Variants in RALGPS1 observed in about 807,000 individuals in gnomAD.
RALGPS1 encodes Ral GEF with PH domain and SH3 binding motif 1, also known as ras-specific guanine nucleotide-releasing factor RalGPS1.
A neutral mutation model predicts 78.8 loss-of-function variants in RALGPS1; 19 were observed. The ratio of observed to expected loss-of-function variants is 0.24; its 90% confidence interval spans 0.17 to 0.35. The LOEUF (loss-of-function observed/expected upper bound fraction) is 0.35. Ranked by LOEUF, RALGPS1 falls within the 10% of genes least tolerant of loss-of-function variation. RALGPS1 has a pLI of 1.00. For missense variants in RALGPS1, 454 were observed against 688.3 expected, an observed-to-expected ratio of 0.66 and a Z score of 3.81; for synonymous variants, 228 against 256.3, an observed-to-expected ratio of 0.89 and a Z score of 1.06.
Position 126,965,836 on chromosome 9 carries a change from C to T in RALGPS1, c.58-8C>T. ...TCAGTTGGCACCATCTTTCCCTGCT[C>T]TCCACAGGGCAGCAGCAGCTCGGAC... On this transcript the variant is annotated splice_region_variant and splice_polypyrimidine_tract_variant and intron_variant, in intron 2 of 18. Coordinates refer to ENST00000259351, the MANE Select transcript of RALGPS1 (RefSeq NM_014636.3). 2 of 1,609,222 alleles carry T rather than the reference C, an allele frequency of 1.2e-6. No homozygotes were observed. Among genetic ancestry groups the T allele is most frequent in the Non-Finnish European group, 1.7e-6 (2 of 1,176,034 alleles).
intron 10 of RALGPS1, 53 bp from the exon 11 acceptor site, chr9:127,174,662 T>A: frequency 6.6e-7 from 1 of 1,517,998 alleles, no homozygotes; most frequent in South Asian, 1.1e-5. Context: ...CCAAACAGGT[T>A]CCTGTGTGGT....
chr9:126,997,022 G>A (rs1396424510), intron 4 of RALGPS1, among the ~76,000 whole-genome samples: 1 of 152,136 alleles, frequency 6.6e-6, no homozygotes, highest in African/African-American at 2.4e-5. Context: ...AGATATTGAT[G>A]GGACGTATCT....
chr9:126,920,731 A>T (rs11788741), intron 1 of RALGPS1, among the ~76,000 whole-genome samples: 58,401 of 152,104 alleles, frequency 0.38, 12,984 homozygotes, highest in Non-Finnish European at 0.48. Flanking sequence ...TCAACCTTGT[A>T]ATGGATGCTG....
chr9:126,980,624 T>C (rs981038869), intron 4 of RALGPS1, among the ~76,000 whole-genome samples: 7 of 152,374 alleles, frequency 4.6e-5, no homozygotes, highest in African/African-American at 1.7e-4. Context: ...GTAAGACTGA[T>C]AGCAGTTTGC....
chr9:127,102,717 G>T (rs146164745), intron 8 of RALGPS1, among the ~76,000 whole-genome samples: 1 of 152,272 alleles, frequency 6.6e-6, no homozygotes, highest in African/African-American at 2.4e-5. Flanking sequence ...AAGCAATAAG[G>T]GAGCTGGCCC....
Position 127,205,818 on chromosome 9 carries a change from G to C in RALGPS1, c.1248-6313G>C, listed in dbSNP as rs1224799042. Among the ~76,000 whole-genome samples, 2 of 152,218 alleles carry C rather than the reference G, an allele frequency of 1.3e-5. No individual in the cohort carries two copies. Among genetic ancestry groups the C allele is most frequent in the Non-Finnish European group, 1.5e-5 (1 of 68,040 alleles). ...GCCCAGCCACTGAGCCTCACTTTCA[G>C]CCTCTCAGATCTGGTTCCTAATCAC... On this transcript the variant is annotated intron_variant, in intron 14 of 18. Transcript: ENST00000259351. The surrounding 1 kb of genome is among the most constrained non-coding windows in gnomAD (Gnocchi z 4.0).
chr9:127,001,211 C>A (rs937546992), intron 4 of RALGPS1, among the ~76,000 whole-genome samples: 1 of 150,982 alleles, frequency 6.6e-6, no homozygotes, highest in Non-Finnish European at 1.5e-5. Flanking sequence ...CACTTGAACC[C>A]AGGAGGTTGA....
chr9:126,945,029 C>T (rs1460413968), intron 1 of RALGPS1, among the ~76,000 whole-genome samples: 15 of 152,180 alleles, frequency 9.9e-5, no homozygotes, highest in South Asian at 4.1e-4. Flanking sequence ...TGGCACTCCC[C>T]GTGGACATGA....
chr9:127,096,933 G>A (rs893888833), intron 8 of RALGPS1, among the ~76,000 whole-genome samples: 1 of 152,172 alleles, frequency 6.6e-6, no homozygotes, highest in Non-Finnish European at 1.5e-5. Context: ...GTGGTCATTA[G>A]AGGAGCCCCT....
At chr9:126,921,679 C>A (rs550161920) in intron 1 of RALGPS1, among the ~76,000 whole-genome samples, 1 of 152,312 alleles carries the variant, frequency 6.6e-6, no homozygotes, top group South Asian at 2.1e-4. Flanking sequence ...GTCCTGACAC[C>A]ATCACTCACA....
In RALGPS1 at chr9:127,183,891, A is replaced by T; in HGVS notation, c.910+9109A>T. The T allele has an allele frequency of 6.5e-7, 1 of 1,550,042 alleles. No homozygotes were observed. The highest frequency in any genetic ancestry group is 1.4e-5 in the African/African-American group (1 of 73,062). Reference sequence around the variant, plus strand: ...GTCTCCCATCTCAGCAGCCTGTCACATCAAGGTCAAGCAGAAGAGGCAAGA... The same window carrying T: ...GTCTCCCATCTCAGCAGCCTGTCACTTCAAGGTCAAGCAGAAGAGGCAAGA... On this transcript the variant is annotated intron_variant, in intron 11 of 18. Transcript: ENST00000259351. This position sits in a 1 kb window ranked among gnomAD's most constrained non-coding sequence, Gnocchi z 4.0.
chr9:127,001,853 C>T (rs1267045658), intron 4 of RALGPS1, among the ~76,000 whole-genome samples: 2 of 152,116 alleles, frequency 1.3e-5, no homozygotes. Flanking sequence ...CATTGCGCTC[C>T]AGCCTTGGCA....
chr9:126,996,953 G>A (rs1432971966), intron 4 of RALGPS1, among the ~76,000 whole-genome samples: 1 of 152,218 alleles, frequency 6.6e-6, no homozygotes, highest in Non-Finnish European at 1.5e-5. Flanking sequence ...CTCAATAGAT[G>A]CAGAAAAGGC....
chr9:127,215,397 G>A (rs578079343), intron 18 of RALGPS1, among the ~76,000 whole-genome samples: 2 of 152,298 alleles, frequency 1.3e-5, no homozygotes, highest in South Asian at 4.1e-4. Context: ...TCCCCTGGTC[G>A]CCCCCAGCCG....
At chr9:127,157,357 A>C (rs1439402412) in intron 8 of RALGPS1, among the ~76,000 whole-genome samples, 1 of 152,066 alleles carries the variant, frequency 6.6e-6, no homozygotes, top group African/African-American at 2.4e-5. Flanking sequence ...TACCTGAATT[A>C]CCAAAGTGTT....
chr9:126,990,165 GTCA>G (rs2042160198), intron 4 of RALGPS1: 1 of 777,380 alleles, frequency 1.3e-6, no homozygotes, highest in Non-Finnish European at 2.0e-6. Flanking sequence ...CCAGCAGGCA[GTCA>G]TTTGTAAAGT....
At chr9:126,918,513 G>A (rs994983201) in intron 1 of RALGPS1, among the ~76,000 whole-genome samples, 2 of 152,016 alleles carry the variant, frequency 1.3e-5, no homozygotes, top group Non-Finnish European at 2.9e-5. Flanking sequence ...GTAGAGATGG[G>A]AGTCTCACTA....
chr9:126,948,884 T>A (rs2131666513), intron 1 of RALGPS1, among the ~76,000 whole-genome samples: 1 of 152,202 alleles, frequency 6.6e-6, no homozygotes, highest in South Asian at 2.1e-4. Flanking sequence ...GTTACATATG[T>A]ATGCATGTGC....
At chr9:127,107,477 C>T (rs996179177) in intron 8 of RALGPS1, among the ~76,000 whole-genome samples, 3 of 152,196 alleles carry the variant, frequency 2.0e-5, no homozygotes, top group African/African-American at 7.2e-5. Flanking sequence ...ATATTCTTAA[C>T]ATGGGTAATA....
Sources: gnomAD v4.1 joint callset for allele counts (sites outside exome capture counted in the v4.1 genomes callset) on GRCh38, gnomAD v4.1.1 for gene constraint, Gnocchi (gnomAD v3.1) non-coding constraint, MANE v1.5 for transcripts, NCBI Gene and HGNC (gene_info 2026-07-23, HGNC 2026-07-21) for gene names.